Variants in IL1RN observed in about 807,000 individuals in gnomAD.
IL1RN encodes interleukin 1 receptor antagonist.
IL1RN carries 10 observed loss-of-function variants against 13.7 expected under a neutral mutation model. That is an observed-to-expected ratio of 0.73 (90% CI 0.45 to 1.24). The LOEUF is 1.24. Ranked by LOEUF, IL1RN falls within the 50% of genes most tolerant of loss-of-function variation. The probability of loss-of-function intolerance (pLI) is 0.00; values close to 1 mark genes in which losing one functional copy is unlikely to be tolerated. For synonymous variants in IL1RN, 102 were observed against 82.7 expected, an observed-to-expected ratio of 1.23 and a Z score of -1.27; for missense variants, 213 against 222.1, an observed-to-expected ratio of 0.96 and a Z score of 0.26.
chr2:113,099,623 T>A, the IL1RN span, among the ~76,000 whole-genome samples: 7 of 151,882 alleles, frequency 4.6e-5, no homozygotes, highest in Non-Finnish European at 1.0e-4. Context: ...GAGCAAAAGT[T>A]CACGATGTGG....
intron 3 of IL1RN, among the ~76,000 whole-genome samples, chr2:113,132,018 C>T (rs555611721): frequency 1.3e-5 from 2 of 152,338 alleles, no homozygotes; most frequent in African/African-American, 4.8e-5. Flanking sequence ...TGACAGAACA[C>T]CAGCTCCACA....
chr2:113,113,737 T>A (rs1240441861), upstream of IL1RN, among the ~76,000 whole-genome samples: 1 of 152,200 alleles, frequency 6.6e-6, no homozygotes, highest in African/African-American at 2.4e-5. Context: ...GCTTTTTGTA[T>A]GTCAATCGTA....
At chr2:113,101,573 A>G in the IL1RN span, among the ~76,000 whole-genome samples, 1 of 152,282 alleles carries the variant, frequency 6.6e-6, no homozygotes, top group Middle Eastern at 3.4e-3. Flanking sequence ...CTTTCTCAAG[A>G]ATGAAGAGTT....
intron 2 of IL1RN, among the ~76,000 whole-genome samples, chr2:113,120,960 T>TTTCTTCTTC (rs758115060): frequency 6.7e-6 from 1 of 150,156 alleles, no homozygotes; most frequent in Non-Finnish European, 1.5e-5. Flanking sequence ...CCTTGAGTAG[T>TTTCTTCTTC]TTCTTCTTCT....
At chr2:113,109,842 C>T (rs388500), upstream of IL1RN, among the ~76,000 whole-genome samples, 7 of 151,854 alleles carry the variant, frequency 4.6e-5, no homozygotes, top group East Asian at 1.4e-3. Context: ...ACCATATTTG[C>T]ATTGTCCTAC....
At chr2:113,109,643 C>T (rs1030012158), upstream of IL1RN, among the ~76,000 whole-genome samples, 12 of 151,714 alleles carry the variant, frequency 7.9e-5, no homozygotes, top group Non-Finnish European at 1.6e-4. Flanking sequence ...TGGGTTCACC[C>T]TTTTATATCA....
chr2:113,114,824 T>A (rs905405374), upstream of IL1RN, among the ~76,000 whole-genome samples: 4 of 152,164 alleles, frequency 2.6e-5, no homozygotes, highest in African/African-American at 9.7e-5. Context: ...AGACAGATAT[T>A]ACACGGAGGA....
At chr2:113,130,023 T>C in intron 2 of IL1RN, 1 of 305,820 alleles carries the variant, frequency 3.3e-6, no homozygotes. Context: ...AATCCCAAAT[T>C]AATCCACCAT....
At chr2:113,123,741 G>A (rs1686859370), upstream of IL1RN, among the ~76,000 whole-genome samples, 1 of 152,200 alleles carries the variant, frequency 6.6e-6, no homozygotes. Flanking sequence ...AGATCCAGCA[G>A]GGATTTGAAT....
At chr2:113,126,936 A>G (rs750265240), upstream of IL1RN, among the ~76,000 whole-genome samples, 7 of 152,236 alleles carry the variant, frequency 4.6e-5, no homozygotes, top group Non-Finnish European at 1.0e-4. Flanking sequence ...AGCACCTCTC[A>G]GAAGGACTCA....
chr2:113,109,610 A>C (rs965638792), upstream of IL1RN, among the ~76,000 whole-genome samples: 1 of 151,368 alleles, frequency 6.6e-6, no homozygotes, highest in African/African-American at 2.4e-5. Flanking sequence ...GGAAGAACAC[A>C]GTCAAACTAA....
upstream of IL1RN, among the ~76,000 whole-genome samples, chr2:113,107,610 G>T: frequency 6.6e-6 from 1 of 151,200 alleles, no homozygotes; most frequent in South Asian, 2.1e-4. Context: ...GTGTGCACCT[G>T]TAATCCCAGC....
At chr2:113,110,400 G>A (rs1049937841), upstream of IL1RN, among the ~76,000 whole-genome samples, 10 of 152,124 alleles carry the variant, frequency 6.6e-5, no homozygotes, top group African/African-American at 2.4e-4. Context: ...AAATTTCTCT[G>A]ATCAATCACA....
chr2:113,109,465 A>G (rs1015186215), upstream of IL1RN, among the ~76,000 whole-genome samples: 2 of 151,978 alleles, frequency 1.3e-5, no homozygotes, highest in Non-Finnish European at 2.9e-5. Flanking sequence ...TACATTAAAG[A>G]TTACAAAAAA....
chr2:113,128,793 A>G (rs1284191134), intron 1 of IL1RN, among the ~76,000 whole-genome samples: 1 of 152,192 alleles, frequency 6.6e-6, no homozygotes, highest in Non-Finnish European at 1.5e-5. Context: ...CACAGGTCCC[A>G]GGTCAGGCTG....
chr2:113,112,104 A>G (rs997341432), intron 1 of IL1RN, among the ~76,000 whole-genome samples: 1 of 152,230 alleles, frequency 6.6e-6, no homozygotes, highest in Non-Finnish European at 1.5e-5. Context: ...AGAGGTTTGT[A>G]GGCCAGTCTC....
At chr2:113,108,260 T>G (rs1246204889), upstream of IL1RN, among the ~76,000 whole-genome samples, 1 of 152,040 alleles carries the variant, frequency 6.6e-6, no homozygotes, top group Non-Finnish European at 1.5e-5. Context: ...GGTTATAAAT[T>G]TTTTTTATTA....
intron 2 of IL1RN, 58 bp downstream of exon 2, chr2:113,129,722 T>C (rs1687094027): frequency 1.8e-6 from 2 of 1,084,660 alleles, no homozygotes; most frequent in Non-Finnish European, 2.9e-6. Context: ...TGCCCGTCTG[T>C]CTGCAGCAGC....
chr2:113,111,144 A>C (rs894101450), exon 1 of IL1RN: 1 of 152,236 alleles, frequency 6.6e-6, no homozygotes, highest in African/African-American at 2.4e-5. Context: ...GCACATTCGC[A>C]TATAAGGGCT....
Sources: gnomAD v4.1 joint callset for allele counts (sites outside exome capture counted in the v4.1 genomes callset) on GRCh38, gnomAD v4.1.1 for gene constraint, MANE v1.5 for transcripts, NCBI Gene and HGNC (gene_info 2026-07-23, HGNC 2026-07-21) for gene names.